Variants in BUB1B observed in about 807,000 individuals in gnomAD.
BUB1B encodes the protein BUB1 mitotic checkpoint serine/threonine kinase B.
BUB1B carries 86 observed loss-of-function variants against 137.7 expected under a neutral mutation model. That is an observed-to-expected ratio of 0.62 (90% CI 0.52 to 0.75). BUB1B has a LOEUF of 0.75. BUB1B is among the 30% of genes least tolerant of loss of function. The probability of loss-of-function intolerance (pLI) is 0.00; values close to 1 mark genes in which losing one functional copy is unlikely to be tolerated. For synonymous variants in BUB1B, 420 were observed against 417.9 expected (o/e 1.00, Z -0.06); for missense variants, 1,130 against 1,236.9 (o/e 0.91, Z 1.30).
chr15:40,186,173 TAG>T (rs1351906994), intron 8 of BUB1B, among the ~76,000 whole-genome samples: 1 of 152,094 alleles, frequency 6.6e-6, no homozygotes, highest in Non-Finnish European at 1.5e-5. Context: ...GCAGTAGAGT[TAG>T]AAGATTTGTC....
intron 2 of BUB1B, among the ~76,000 whole-genome samples, chr15:40,165,925 T>C (rs1346260157): frequency 6.6e-6 from 1 of 151,592 alleles, no homozygotes; most frequent in African/African-American, 2.4e-5. Context: ...TGATTTCAGC[T>C]CACTGCAACC....
chr15:40,217,020 G>T (rs1232478708), intron 20 of BUB1B, among the ~76,000 whole-genome samples: 1 of 152,066 alleles, frequency 6.6e-6, no homozygotes, highest in East Asian at 1.9e-4. Context: ...AAACAGACTT[G>T]CATTGTTTTC....
chr15:40,199,387 A>G (rs1021053942), intron 9 of BUB1B, among the ~76,000 whole-genome samples: 2 of 152,230 alleles, frequency 1.3e-5, no homozygotes, highest in African/African-American at 2.4e-5. Context: ...TAGGTATTCA[A>G]TGTTTTTTTC....
At chr15:40,176,401 C>G (rs981242639) in intron 4 of BUB1B, 76 bp from the exon 5 acceptor site, 2 of 1,249,758 alleles carry the variant, frequency 1.6e-6, no homozygotes, top group Non-Finnish European at 2.4e-6. Context: ...TGTAGTATCT[C>G]CAGTGATTGT....
chr15:40,216,572 T>TATATA (rs1491509706), intron 20 of BUB1B, among the ~76,000 whole-genome samples: 2 of 46,930 alleles, frequency 4.3e-5, no homozygotes, highest in African/African-American at 2.2e-4. Flanking sequence ...TATATATATA[T>TATATA]TTTTTTTTTT....
In BUB1B at chr15:40,202,427, T is replaced by G. The variant is rs777968728; in HGVS notation, c.1590T>G (p.Ile530Met). ...HSKGPSVPFS[I>M]FDEFLLSEKK... The stretch of plus-strand genomic sequence containing the variant: ...TAGGTCCCAGTGTACCTTTCTCCAT[T>G]TTTGATGAGTTTCTTCTTTCAGAAA... Residue 530 changes from isoleucine (I) to methionine (M), a missense_variant, in exon 13 of 23, where the codon ATT (isoleucine) becomes ATG (methionine). Physicochemically the swap from Ile to Met is conservative, Grantham distance 10. Coordinates refer to ENST00000287598, the MANE Select transcript of BUB1B (RefSeq NM_001211.6). 4 of 1,612,100 alleles carry G rather than the reference T, an allele frequency of 2.5e-6. No homozygotes were observed. The highest frequency in any genetic ancestry group is 3.4e-6 in the Non-Finnish European group (4 of 1,179,346).
chr15:40,212,693 AT>A (rs1185950228), intron 19 of BUB1B, 45 bp downstream of exon 19: 1 of 1,571,778 alleles, frequency 6.4e-7, no homozygotes, highest in Non-Finnish European at 8.7e-7. Flanking sequence ...AAGTAGAGAG[AT>A]TTGTGCTCCA....
rs766384327 is a variant in BUB1B, at chr15:40,206,358, A to G, written c.1909A>G (p.Arg637Gly). Residue 637 changes from arginine to glycine, a missense_variant, in exon 15 of 23, where the codon AGA becomes GGA. Arg to Gly is a moderately radical substitution (Grantham distance 125). Coordinates refer to ENST00000287598, the MANE Select transcript of BUB1B (RefSeq NM_001211.6). ...SLKDLPSDPE[R>G]LLPEEDLDVK... is the part of the protein sequence containing the mutation. ...GAAGGATCTCCCTTCTGATCCTGAGAGACTGTTACCGGAAGAAGATCTAGA... is the reference window on the plus strand; with the variant it reads ...GAAGGATCTCCCTTCTGATCCTGAGGGACTGTTACCGGAAGAAGATCTAGA... 1 of 1,614,158 alleles carries G rather than the reference A, an allele frequency of 6.2e-7. No homozygotes were observed. The highest frequency in any genetic ancestry group is 8.5e-7 in the Non-Finnish European group (1 of 1,180,034).
chr15:40,196,618 C>T lies in BUB1B; in HGVS notation c.1132C>T (p.Pro378Ser), dbSNP rs17851677. The T allele has an allele frequency of 6.2e-7, 1 of 1,613,900 alleles. No individual in the cohort carries two copies. Among genetic ancestry groups the T allele is most frequent in the Non-Finnish European group, 8.5e-7 (1 of 1,179,898 alleles). The change falls in exon 9 of 23, where the codon CCT becomes TCT. Residue 378 changes from proline (P) to serine (S), a missense_variant. Pro to Ser is a moderately conservative substitution (Grantham distance 74). Transcript: ENST00000287598. Reference sequence around the variant, plus strand: ...AAAGCCTGGAAAGGAAGAAGGAGATCCTCTACAAAGGGTTCAGAGCCATCA... The same window carrying T: ...AAAGCCTGGAAAGGAAGAAGGAGATTCTCTACAAAGGGTTCAGAGCCATCA... The part of the protein sequence containing the change: ...TRKPGKEEGD[P>S]LQRVQSHQQA...
rs114151997 is a variant in BUB1B at position 40,199,572 on chromosome 15, T to C, written c.1289-43T>C. The C allele has an allele frequency of 2.8e-3, 4,190 of 1,515,004 alleles. 86 individuals carry two copies. The African/African-American group carries it at 0.051, about 18-fold the overall frequency. The allele number at this position is 1,515,004 out of a possible 1,614,324, so 93.8% of individuals were successfully genotyped here. ...CAAAGGCAGTTTTTGACAGAATGAGTTACTATGAGGAATAATACCTCAAGC... is the reference window on the plus strand; with the variant it reads ...CAAAGGCAGTTTTTGACAGAATGAGCTACTATGAGGAATAATACCTCAAGC... On this transcript the variant is annotated intron_variant, in intron 9 of 22. Coordinates refer to ENST00000287598, the MANE Select transcript of BUB1B (RefSeq NM_001211.6).
rs1365938809 is a variant in BUB1B, at chr15:40,196,586, G to T, written c.1100G>T (p.Ser367Ile). The T allele has an allele frequency of 1.9e-6, 3 of 1,613,738 alleles. No homozygotes were observed. In the African/African-American group the frequency reaches 4.0e-5, roughly 22 times the overall value. Residue 367 changes from serine (S) to isoleucine (I), a missense_variant, in exon 9 of 23, where the codon AGC (serine) becomes ATC (isoleucine). Coordinates refer to ENST00000287598, the MANE Select transcript of BUB1B (RefSeq NM_001211.6). ...GAACCTAGTATAAACCACATCCTAA[G>T]CACCAGAAAGCCTGGAAAGGAAGAA... Reference protein sequence around the residue: ...KIEPSINHILSTRKPGKEEGD... With the variant: ...KIEPSINHILITRKPGKEEGD...
intron 4 of BUB1B, 79 bp downstream of exon 4, chr15:40,170,760 A>C (rs998466005): frequency 3.6e-5 from 53 of 1,460,530 alleles, no homozygotes; most frequent in Non-Finnish European, 4.7e-5. Context: ...GTATACCAAA[A>C]AAAAAGTAAA....
chr15:40,164,571 A>G (rs1420990860), intron 1 of BUB1B, among the ~76,000 whole-genome samples: 5 of 152,140 alleles, frequency 3.3e-5, no homozygotes, highest in African/African-American at 1.2e-4. Context: ...TGGTAGGCAT[A>G]GAATTACTTG....
chr15:40,187,283 G>A (rs1486988092), intron 8 of BUB1B, among the ~76,000 whole-genome samples: 6 of 151,990 alleles, frequency 3.9e-5, no homozygotes, highest in African/African-American at 1.2e-4. Context: ...CTGCCACCAC[G>A]CCTGGCTAAT....
chr15:40,179,613 T>G (rs1398828074), intron 5 of BUB1B, among the ~76,000 whole-genome samples: 1 of 152,120 alleles, frequency 6.6e-6, no homozygotes, highest in African/African-American at 2.4e-5. Context: ...TAATAGAATT[T>G]TTAATATTGT....
At chr15:40,202,227 A>G (rs190263487) in intron 12 of BUB1B, among the ~76,000 whole-genome samples, 178 bp from the exon 13 acceptor site, 58 of 152,288 alleles carry the variant, frequency 3.8e-4, no homozygotes, top group Non-Finnish European at 6.5e-4. Flanking sequence ...AGATCATCTA[A>G]GTTTAGGTAA....
intron 8 of BUB1B, among the ~76,000 whole-genome samples, chr15:40,187,440 A>C (rs1239371040): frequency 6.6e-6 from 1 of 151,700 alleles, no homozygotes; most frequent in Non-Finnish European, 1.5e-5. Flanking sequence ...ATTTTTTTTT[A>C]ATTAGCTGGG....
At chr15:40,166,444 A>C (rs960158668) in intron 2 of BUB1B, 1 of 373,338 alleles carries the variant, frequency 2.7e-6, no homozygotes, top group South Asian at 1.9e-5. Flanking sequence ...GGTTCACGCC[A>C]ATCTCCTGCC....
rs1360212119 is a variant in BUB1B, at chr15:40,209,722, G to A, written c.2231G>A (p.Cys744Tyr). 20 of 1,614,148 alleles carry A rather than the reference G, an allele frequency of 1.2e-5. No homozygotes were observed. The highest frequency in any genetic ancestry group is 1.6e-5 in the Non-Finnish European group (19 of 1,180,018). ...LPELSASAEL[C>Y]IEDRPMPKLE... is the part of the protein sequence containing the mutation. ...GAGTTAAGTGCCTCTGCAGAGTTGT[G>A]TATAGAAGACAGACCAATGCCTAAG... The change falls in exon 17 of 23, where the codon TGT becomes TAT. Residue 744 changes from cysteine to tyrosine, a missense_variant. Physicochemically the swap from Cys to Tyr is radical, Grantham distance 194 (BLOSUM62 -2). Transcript: ENST00000287598.
Sources: allele counts gnomAD v4.1 joint callset (sites outside exome capture counted in the v4.1 genomes callset), GRCh38; gene constraint gnomAD v4.1.1; transcripts MANE v1.5; gene names NCBI Gene and HGNC (gene_info 2026-07-23, HGNC 2026-07-21).